Variants in FBN2 observed in about 807,000 individuals in gnomAD.
FBN2 encodes the protein fibrillin 2.
A neutral mutation model predicts 355.6 loss-of-function variants in FBN2; 105 were observed. The observed-to-expected ratio is 0.30, with a 90% confidence interval of 0.25 to 0.35. The LOEUF (loss-of-function observed/expected upper bound fraction) is 0.35, where lower values mean the gene tolerates loss of function less well. Among genes scored for constraint, FBN2 ranks in the 10% least tolerant of loss-of-function variants. FBN2 has a pLI of 1.00. For missense variants in FBN2, 3,280 were observed against 3,758.7 expected, an observed-to-expected ratio of 0.87 and a Z score of 3.33; for synonymous variants, 1,350 against 1,301.2, an observed-to-expected ratio of 1.04 and a Z score of -0.81.
chr5:128,516,566 G>C (rs991912632), intron 5 of FBN2, among the ~76,000 whole-genome samples: 10 of 152,022 alleles, frequency 6.6e-5, no homozygotes, highest in African/African-American at 2.4e-4. Flanking sequence ...AGCTAGAAAA[G>C]CAGCCATGTT....
chr5:128,275,762 C>T (rs529942746), intron 59 of FBN2, among the ~76,000 whole-genome samples: 2 of 152,220 alleles, frequency 1.3e-5, no homozygotes, highest in East Asian at 1.9e-4. Context: ...TGATTTGTTT[C>T]GATCTCTTCC....
At chr5:128,292,651 C>T (rs1561752353) in intron 48 of FBN2, among the ~76,000 whole-genome samples, 1 of 152,220 alleles carries the variant, frequency 6.6e-6, no homozygotes. Context: ...CCTGCAATGG[C>T]TCCACGCTGA....
intron 7 of FBN2, among the ~76,000 whole-genome samples, chr5:128,444,857 C>T (rs987805243): frequency 3.3e-5 from 5 of 152,216 alleles, no homozygotes; most frequent in African/African-American, 1.2e-4. Context: ...CAGTCAGTGG[C>T]TGTGCCTTCT....
intron 64 of FBN2, among the ~76,000 whole-genome samples, chr5:128,260,265 C>T (rs1323535925): frequency 6.6e-6 from 1 of 151,890 alleles, no homozygotes. Context: ...CCAGGGGAAT[C>T]TTCTGTCTGA....
At position 128,537,679 on chromosome 5, in the gene FBN2, A is replaced by G; in HGVS notation, c.-76T>C. On this transcript the variant is annotated 5_prime_UTR_variant, in exon 1 of 65. Coordinates refer to ENST00000262464, the MANE Select transcript of FBN2 (RefSeq NM_001999.4). ...AAGACAAAATCTGCGCGCCTCAGAA[A>G]AGAGTCAGGGTCTAATAAGCCCTTC... 6.9e-6 allele frequency: 10 copies of G among 1,441,172 alleles called. No individual in the cohort carries two copies. The South Asian group carries it at 8.3e-5, about 12-fold the overall frequency. The allele number at this position is 1,441,172 out of a possible 1,614,324, so 89.3% of individuals were successfully genotyped here.
intron 7 of FBN2, 42 bp from the exon 8 acceptor site, chr5:128,408,841 C>T: frequency 6.2e-7 from 1 of 1,611,046 alleles, no homozygotes; most frequent in Non-Finnish European, 8.5e-7. Context: ...GAAAGGCCTT[C>T]ATTAAATAGC....
chr5:128,419,456 C>G (rs1418890488), intron 7 of FBN2, among the ~76,000 whole-genome samples: 1 of 152,038 alleles, frequency 6.6e-6, no homozygotes, highest in Admixed American at 6.6e-5. Flanking sequence ...CATAGATGCC[C>G]TCTATAAAGT....
intron 62 of FBN2, among the ~76,000 whole-genome samples, chr5:128,269,113 C>T (rs1765198628): frequency 6.6e-6 from 1 of 151,796 alleles, no homozygotes. Context: ...TGATTCTCTA[C>T]TTAGAAAACC....
chr5:128,401,104 C>A (rs950462892), intron 8 of FBN2, among the ~76,000 whole-genome samples: 7 of 152,214 alleles, frequency 4.6e-5, no homozygotes, highest in African/African-American at 1.7e-4. Flanking sequence ...AATTAAACCT[C>A]TTTTTCTTCC....
intron 6 of FBN2, among the ~76,000 whole-genome samples, chr5:128,463,878 T>C (rs1200160355): frequency 6.6e-6 from 1 of 152,160 alleles, no homozygotes; most frequent in Non-Finnish European, 1.5e-5. Context: ...TGAATAATAT[T>C]ATTTATGTGA....
chr5:128,497,792 T>C (rs555976289), intron 5 of FBN2, among the ~76,000 whole-genome samples: 40 of 152,316 alleles, frequency 2.6e-4, no homozygotes, highest in African/African-American at 9.1e-4. Flanking sequence ...TTAGGAGAGT[T>C]TGTTTCATAA....
intron 21 of FBN2, among the ~76,000 whole-genome samples, chr5:128,350,438 C>T (rs1751319699): frequency 6.6e-6 from 1 of 152,164 alleles, no homozygotes; most frequent in East Asian, 1.9e-4. Flanking sequence ...CTAGTCCCAG[C>T]TACTCGGGAA....
chr5:128,501,262 G>A (rs1053407862), intron 5 of FBN2, among the ~76,000 whole-genome samples: 7 of 152,186 alleles, frequency 4.6e-5, no homozygotes, highest in Admixed American at 2.0e-4. Flanking sequence ...AGAATAACCT[G>A]AGAAAGTACA....
At chr5:128,511,902 T>G (rs1352789011) in intron 5 of FBN2, among the ~76,000 whole-genome samples, 4 of 152,216 alleles carry the variant, frequency 2.6e-5, no homozygotes, top group African/African-American at 9.6e-5. Flanking sequence ...TGAGTTATAC[T>G]ATAAACTGTT....
intron 2 of FBN2, among the ~76,000 whole-genome samples, chr5:128,530,978 A>T (rs1316749940): frequency 6.6e-6 from 1 of 152,154 alleles, no homozygotes; most frequent in Non-Finnish European, 1.5e-5. Context: ...AAGTAGAACT[A>T]CCATTTGATC....
intron 7 of FBN2, among the ~76,000 whole-genome samples, chr5:128,432,431 T>C (rs1020045042): frequency 1.6e-4 from 24 of 152,196 alleles, no homozygotes; most frequent in Non-Finnish European, 2.4e-4. Flanking sequence ...CAGCCTGTTT[T>C]TGTAAGTAAA....
chr5:128,317,980 G>C (rs1443851988), intron 36 of FBN2, among the ~76,000 whole-genome samples, 169 bp downstream of exon 36: 1 of 152,230 alleles, frequency 6.6e-6, no homozygotes, highest in Non-Finnish European at 1.5e-5. Context: ...AAGTCCGTGA[G>C]AGGAGGAAGG....
At chr5:128,506,504 G>T (rs571577016) in intron 5 of FBN2, among the ~76,000 whole-genome samples, 1 of 152,222 alleles carries the variant, frequency 6.6e-6, no homozygotes, top group South Asian at 2.1e-4. Context: ...CCATTAGTTT[G>T]TATCCTGCAG....
chr5:128,328,545 G>T, intron 34 of FBN2, 151 bp downstream of exon 34: 1 of 844,732 alleles, frequency 1.2e-6, no homozygotes, highest in Non-Finnish European at 1.9e-6. Flanking sequence ...TATTCATTCG[G>T]CAAAATAATC....
Sources: gnomAD v4.1 joint callset for allele counts (sites outside exome capture counted in the v4.1 genomes callset) on GRCh38, gnomAD v4.1.1 for gene constraint, MANE v1.5 for transcripts, NCBI Gene and HGNC (gene_info 2026-07-23, HGNC 2026-07-21) for gene names.